NAA50: variants seen among roughly 807,000 people sequenced by gnomAD.
NAA50 encodes N-alpha-acetyltransferase 50.
NAA50 carries 7 observed loss-of-function variants against 20.7 expected under a neutral mutation model. That is an observed-to-expected ratio of 0.34 (90% CI 0.19 to 0.63). The LOEUF is 0.63. NAA50 is among the 30% of genes least tolerant of loss of function. NAA50 has a pLI of 0.75. For synonymous variants in NAA50, 54 were observed against 70.6 expected, an observed-to-expected ratio of 0.77 and a Z score of 1.18; for missense variants, 111 against 199.1, an observed-to-expected ratio of 0.56 and a Z score of 2.66.
chr3:113,728,079 TAAA>T (rs11429752), intron 1 of NAA50, among the ~76,000 whole-genome samples: 1 of 140,712 alleles, frequency 7.1e-6, no homozygotes, highest in Non-Finnish European at 1.5e-5. Context: ...AACACGGAGT[TAAA>T]AAAAAAAAAA....
chr3:113,742,496 G>A (rs1482133793), intron 1 of NAA50, among the ~76,000 whole-genome samples: 1 of 149,464 alleles, frequency 6.7e-6, no homozygotes, highest in Non-Finnish European at 1.5e-5. Context: ...CACGATCTCA[G>A]CTCACTACAA....
At chr3:113,743,268 T>C (rs1469652131) in intron 1 of NAA50, among the ~76,000 whole-genome samples, 1 of 152,242 alleles carries the variant, frequency 6.6e-6, no homozygotes, top group Non-Finnish European at 1.5e-5. Context: ...TTTTAAATAT[T>C]TGACTGGCTT....
intron 1 of NAA50, among the ~76,000 whole-genome samples, chr3:113,743,434 T>C (rs1708444469): frequency 6.6e-6 from 1 of 152,076 alleles, no homozygotes; most frequent in South Asian, 2.1e-4. Flanking sequence ...AAATTAAGAG[T>C]CAGGACTTTA....
intron 1 of NAA50, among the ~76,000 whole-genome samples, chr3:113,729,709 TTTTTG>T (rs1264237190): frequency 6.6e-6 from 1 of 151,730 alleles, no homozygotes; most frequent in African/African-American, 2.4e-5. Flanking sequence ...CTTTCAGCTA[TTTTTG>T]TTTTGTTTTG....
chr3:113,722,664 CTG>C (rs1708149605), intron 4 of NAA50, among the ~76,000 whole-genome samples: 2 of 152,240 alleles, frequency 1.3e-5, no homozygotes, highest in Admixed American at 1.3e-4. Context: ...GATTTCATCC[CTG>C]TGACTTTGGT....
chr3:113,737,037 A>G (rs1577072042), intron 1 of NAA50, among the ~76,000 whole-genome samples: 1 of 152,152 alleles, frequency 6.6e-6, no homozygotes, highest in Non-Finnish European at 1.5e-5. Flanking sequence ...AGACAAATGT[A>G]CCTATAGTTA....
rs137950561 is a variant in NAA50 at position 113,723,948 on chromosome 3, C to A, written c.145+11G>T. On this transcript the variant is annotated intron_variant, in intron 2 of 4. Transcript: ENST00000240922. ...AAAAGAAGGGAGGACAAAAAAAAAA[C>A]TATATTATACCAAGTTTTGCTAGCT... The A allele has an allele frequency of 3.3e-6, 5 of 1,533,242 alleles. No homozygotes were observed. The highest frequency in any genetic ancestry group is 2.8e-5 in the African/African-American group (2 of 71,092). The allele number at this position is 1,533,242 out of a possible 1,614,324, so 95.0% of individuals were successfully genotyped here. A position where few individuals can be genotyped will look rare whatever the true frequency, so the allele number is the denominator to read the frequency against.
In NAA50 at chr3:113,746,222, C is replaced by T. The variant is rs1708501364; in HGVS notation, c.-273G>A. The T allele has an allele frequency of 1.0e-5, 5 of 488,746 alleles. No homozygotes were observed. The highest frequency in any genetic ancestry group is 6.2e-5 in the African/African-American group (3 of 48,456). 30.3% of individuals were successfully genotyped at this position (488,746 alleles called of 1,614,324 possible). ...GCTCCCTCCCGCCGCTGCCGCCAGC[C>T]AGACCCGCTGCCGCGCTGTGACCTT... On this transcript the variant is annotated 5_prime_UTR_variant, in exon 1 of 5. Transcript: ENST00000240922.
At chr3:113,739,964 G>A (rs1315851736) in intron 1 of NAA50, among the ~76,000 whole-genome samples, 1 of 151,960 alleles carries the variant, frequency 6.6e-6, no homozygotes, top group Non-Finnish European at 1.5e-5. Flanking sequence ...ATTTACAAGG[G>A]GAAGAAATCA....
chr3:113,741,010 A>G (rs1708406852), intron 1 of NAA50: 3 of 494,602 alleles, frequency 6.1e-6, no homozygotes, highest in South Asian at 3.2e-5. Flanking sequence ...TTTACATAAC[A>G]TTAACAGTTA....
intron 1 of NAA50, chr3:113,739,634 C>T (rs1475874244): frequency 3.3e-5 from 5 of 152,186 alleles, no homozygotes; most frequent in Non-Finnish European, 1.5e-5. Flanking sequence ...TATCTCTTCC[C>T]TACCCTTTCA....
In NAA50 at chr3:113,727,655, T is replaced by C. The variant is rs1162469807; in HGVS notation, c.9-3560A>G. 4.6e-5 allele frequency among the ~76,000 whole-genome samples: 7 copies of C among 151,294 alleles called. No homozygotes were observed. The East Asian group carries it at 5.8e-4, about 13-fold the overall frequency. On this transcript the variant is annotated intron_variant, in intron 1 of 4. Coordinates refer to ENST00000240922, the MANE Select transcript of NAA50 (RefSeq NM_025146.4). ...CCTTTTTTTTTTTTAAAGCACACCA[T>C]AGAAATGACGTAGAAAGGGAAAATA...
At chr3:113,739,971 A>G (rs1708392321) in intron 1 of NAA50, among the ~76,000 whole-genome samples, 1 of 152,224 alleles carries the variant, frequency 6.6e-6, no homozygotes, top group African/African-American at 2.4e-5. Flanking sequence ...AGGGGAAGAA[A>G]TCATTTCAAC....
chr3:113,741,877 C>T (rs1037887858), intron 1 of NAA50, among the ~76,000 whole-genome samples: 1 of 152,180 alleles, frequency 6.6e-6, no homozygotes, highest in Non-Finnish European at 1.5e-5. Context: ...CTAAATTACA[C>T]GATGATTCTA....
At chr3:113,735,836 C>A (rs1708333981) in intron 1 of NAA50, among the ~76,000 whole-genome samples, 1 of 152,208 alleles carries the variant, frequency 6.6e-6, no homozygotes, top group Non-Finnish European at 1.5e-5. Flanking sequence ...GTGCCCGCCA[C>A]CATGCCCAGC....
intron 1 of NAA50, chr3:113,740,965 C>T: frequency 5.9e-6 from 3 of 512,718 alleles, no homozygotes; most frequent in South Asian, 1.5e-5. Flanking sequence ...TGAACTTTAC[C>T]GATGTTATCA....
intron 1 of NAA50, among the ~76,000 whole-genome samples, chr3:113,730,569 T>C (rs188639000): frequency 6.6e-6 from 1 of 152,342 alleles, no homozygotes; most frequent in East Asian, 1.9e-4. Context: ...ATATACAATT[T>C]AATTACTCCC....
intron 1 of NAA50, among the ~76,000 whole-genome samples, chr3:113,730,697 G>C (rs7644485): frequency 6.6e-6 from 1 of 152,122 alleles, no homozygotes; most frequent in South Asian, 2.1e-4. Context: ...AAAATACATA[G>C]CTGCTTGTTT....
chr3:113,717,650 T>C lies in NAA50; in HGVS notation c.*4110A>G, dbSNP rs1210953958. The C allele has an allele frequency of 6.6e-6, 1 of 152,208 alleles. No homozygotes were observed. 9.4% of individuals were successfully genotyped at this position (152,208 alleles called of 1,614,324 possible). On this transcript the variant is annotated 3_prime_UTR_variant, in exon 5 of 5. Coordinates refer to ENST00000240922, the MANE Select transcript of NAA50 (RefSeq NM_025146.4). ...TCTATAGGCTTACTGTTCCTATTTG[T>C]GACTGTAGTATCCAATTTCCCAGAA...
Sources: gnomAD v4.1 joint callset for allele counts (sites outside exome capture counted in the v4.1 genomes callset) on GRCh38, gnomAD v4.1.1 for gene constraint, MANE v1.5 for transcripts, NCBI Gene and HGNC (gene_info 2026-07-23, HGNC 2026-07-21) for gene names.